Variants in C1orf146 observed in about 807,000 individuals in gnomAD.
The protein encoded by C1orf146 is chromosome 1 open reading frame 146.
In C1orf146, 22 loss-of-function variants were observed where a neutral mutation model predicts 23.0. The ratio of observed to expected loss-of-function variants is 0.96; its 90% CI spans 0.68 to 1.36. The LOEUF (loss-of-function observed/expected upper bound fraction) is 1.36, where lower values mean the gene tolerates loss of function less well. Among genes scored for constraint, C1orf146 ranks in the 40% most tolerant of loss-of-function variants. The probability of loss-of-function intolerance (pLI) is 0.00; values close to 1 mark genes in which losing one functional copy is unlikely to be tolerated. For synonymous variants in C1orf146, 59 were observed against 65.3 expected (o/e 0.90, Z 0.47); for missense variants, 199 against 206.8 (o/e 0.96, Z 0.23).
intron 4 of C1orf146, 119 bp downstream of exon 4, chr1:92,244,504 A>G (rs1652520184): frequency 2.5e-6 from 2 of 798,104 alleles, no homozygotes; most frequent in Non-Finnish European, 3.9e-6. Flanking sequence ...AACCTATCAA[A>G]TTTAATGAAA....
intron 1 of C1orf146, among the ~76,000 whole-genome samples, chr1:92,220,073 GT>G (rs1651782486): frequency 6.6e-6 from 1 of 151,950 alleles, no homozygotes; most frequent in South Asian, 2.1e-4. Context: ...TCTGTGTGGG[GT>G]TTTTTTGTTT....
chr1:92,227,306 G>A (rs1237852456), intron 1 of C1orf146, among the ~76,000 whole-genome samples: 1 of 152,114 alleles, frequency 6.6e-6, no homozygotes, highest in East Asian at 1.9e-4. Context: ...ACTTTGGGAG[G>A]CCGAGGCGGG....
chr1:92,232,953 GTTGT>G (rs1233942938), intron 2 of C1orf146, among the ~76,000 whole-genome samples: 26 of 152,198 alleles, frequency 1.7e-4, no homozygotes, highest in African/African-American at 5.8e-4. Context: ...TTTTGATGGG[GTTGT>G]TTGTTTTTTT....
chr1:92,245,565 G>C lies in C1orf146; in HGVS notation c.434G>C (p.Ser145Thr), dbSNP rs1652592930. 6.3e-7 allele frequency: 1 copy of C among 1,595,772 alleles called. No individual in the cohort carries two copies. Among genetic ancestry groups the C allele is most frequent in the Non-Finnish European group, 8.5e-7 (1 of 1,173,528 alleles). The change falls in exon 6 of 6, where the codon AGC becomes ACC. Residue 145 changes from serine (S) to threonine (T), a missense_variant. Physicochemically the swap from Ser to Thr is moderately conservative, Grantham distance 58. Transcript: ENST00000370375. ...AKTTSKPYID[S>T]ICYRMITAKA... ...ACTACCTCCAAACCATACATAGATA[G>C]CATTTGCTACAGAATGATAACAGCT...
intron 2 of C1orf146, among the ~76,000 whole-genome samples, chr1:92,233,956 A>G (rs1191043128): frequency 6.6e-6 from 1 of 152,130 alleles, no homozygotes; most frequent in Non-Finnish European, 1.5e-5. Context: ...TTGTACATTG[A>G]TTTTGTATCC....
At chr1:92,235,362 T>G (rs1652249879) in intron 2 of C1orf146, among the ~76,000 whole-genome samples, 1 of 152,200 alleles carries the variant, frequency 6.6e-6, no homozygotes, top group African/African-American at 2.4e-5. Context: ...TTCATTTCAT[T>G]ATGTACCCTG....
intron 1 of C1orf146, among the ~76,000 whole-genome samples, chr1:92,220,188 G>A (rs1307299711): frequency 6.6e-6 from 1 of 152,126 alleles, no homozygotes; most frequent in Non-Finnish European, 1.5e-5. Context: ...AAGGAGCCCT[G>A]GTTCCTTTTT....
chr1:92,229,118 G>C, intron 1 of C1orf146: 1 of 513,366 alleles, frequency 1.9e-6, no homozygotes. Context: ...TGGAGCCGCC[G>C]ATCCACACCG....
rs1476646939 is a variant in C1orf146, at chr1:92,226,398, T to TGC, written c.-39-4983_-39-4982dup. On this transcript the variant is annotated intron_variant, in intron 1 of 5. Transcript: ENST00000370375. ...ATACTCACATGCATACATGCACGCATGCACACACACACACACATACACACA... is the reference window on the plus strand; with the variant it reads ...ATACTCACATGCATACATGCACGCATGCGCACACACACACACACATACACACA... Among the ~76,000 whole-genome samples the TGC allele has an allele frequency of 5.4e-5, 8 of 147,798 alleles. No homozygotes were observed. The East Asian group carries it at 1.5e-3, about 29-fold the overall frequency.
rs1224616785 is a variant in C1orf146 at position 92,242,199 on chromosome 1, T to A, written c.67-13T>A. On this transcript the variant is annotated splice_polypyrimidine_tract_variant and intron_variant, in intron 2 of 5. Coordinates refer to ENST00000370375, the MANE Select transcript of C1orf146 (RefSeq NM_001012425.2). The stretch of plus-strand genomic sequence containing the variant: ...ATGCCTTAAATTTGTATTTCTGATA[T>A]TTTTTAAAAAAGAGTTATGAAGTTG... 6.6e-7 allele frequency: 1 copy of A among 1,504,062 alleles called. No homozygotes were observed. The highest frequency in any genetic ancestry group is 9.1e-7 in the Non-Finnish European group (1 of 1,098,328). The allele number at this position is 1,504,062 out of a possible 1,614,324, so 93.2% of individuals were successfully genotyped here.
chr1:92,230,615 C>CAA (rs758993794), intron 1 of C1orf146, among the ~76,000 whole-genome samples: 16 of 123,308 alleles, frequency 1.3e-4, no homozygotes, highest in African/African-American at 3.6e-4. Flanking sequence ...GATTCCGTCT[C>CAA]AAAAAAAAAA....
At chr1:92,229,079 C>G (rs1033021668) in intron 1 of C1orf146, 5 of 496,872 alleles carry the variant, frequency 1.0e-5, no homozygotes, top group Non-Finnish European at 1.6e-5. Context: ...TAGTGCACAT[C>G]TGCTGGAAGG....
At chr1:92,232,240 C>T (rs1052743071) in intron 2 of C1orf146, among the ~76,000 whole-genome samples, 5 of 151,560 alleles carry the variant, frequency 3.3e-5, no homozygotes, top group Non-Finnish European at 7.4e-5. Context: ...GGTATATCTC[C>T]CAATGCTATC....
chr1:92,230,763 C>T (rs369255193), intron 1 of C1orf146, among the ~76,000 whole-genome samples: 1 of 151,924 alleles, frequency 6.6e-6, no homozygotes, highest in African/African-American at 2.4e-5. Flanking sequence ...AAGAGTGAGA[C>T]CCTCTTTAAA....
intron 1 of C1orf146, among the ~76,000 whole-genome samples, chr1:92,218,748 C>A (rs565717046): frequency 1.3e-5 from 2 of 152,174 alleles, no homozygotes; most frequent in East Asian, 1.9e-4. Context: ...TGTCCCTGCA[C>A]GCTCAGCGTT....
chr1:92,230,481 T>G (rs1169543868), intron 1 of C1orf146, among the ~76,000 whole-genome samples: 1 of 151,154 alleles, frequency 6.6e-6, no homozygotes, highest in African/African-American at 2.4e-5. Flanking sequence ...CTGGGTGTGG[T>G]GGGGGGCGCC....
intron 1 of C1orf146, among the ~76,000 whole-genome samples, chr1:92,222,535 G>GTTTTTTTTTTTTT: frequency 1.3e-4 from 8 of 60,564 alleles, no homozygotes; most frequent in Non-Finnish European, 2.1e-4. Context: ...CCCTTCTTCG[G>GTTTTTTTTTTTTT]TTTTTTTTTT....
intron 1 of C1orf146, among the ~76,000 whole-genome samples, chr1:92,225,999 C>T (rs920300209): frequency 6.6e-6 from 1 of 152,070 alleles, no homozygotes; most frequent in African/African-American, 2.4e-5. Flanking sequence ...TTGCTGACTG[C>T]TATTTAAAAA....
At chr1:92,244,068 A>T in intron 3 of C1orf146, 149 bp from the exon 4 acceptor site, 2 of 552,828 alleles carry the variant, frequency 3.6e-6, no homozygotes, top group Non-Finnish European at 6.4e-6. Flanking sequence ...TTTGTTGTGT[A>T]GGAATTCCAT....
Sources: allele counts gnomAD v4.1 joint callset (sites outside exome capture counted in the v4.1 genomes callset), GRCh38; gene constraint gnomAD v4.1.1; transcripts MANE v1.5; gene names NCBI Gene and HGNC (gene_info 2026-07-23, HGNC 2026-07-21).